Variants in NCOA7 observed in about 807,000 individuals in gnomAD.
NCOA7 encodes the protein nuclear receptor coactivator 7.
NCOA7 carries 45 observed loss-of-function variants against 104.3 expected under a neutral mutation model. The observed-to-expected ratio is 0.43, with a 90% CI of 0.34 to 0.55. NCOA7 has a LOEUF of 0.55. NCOA7 is among the 20% of genes least tolerant of loss of function. NCOA7 has a pLI of 0.02. For missense variants in NCOA7, 1,041 were observed against 1,119.7 expected, an observed-to-expected ratio of 0.93 and a Z score of 1.00; for synonymous variants, 398 against 402.3, an observed-to-expected ratio of 0.99 and a Z score of 0.13.
rs912123412 is a variant in NCOA7 at position 125,931,888 on chromosome 6, T to C, written c.*3117T>C. On this transcript the variant is annotated 3_prime_UTR_variant, in exon 16 of 16. Coordinates refer to ENST00000392477, the MANE Select transcript of NCOA7 (RefSeq NM_181782.5). ...TTCATGAGATCTGTTTTAAAATGTTTGGCAGTTCCACCCTCACCCTCTCTT... is the reference window on the plus strand; with the variant it reads ...TTCATGAGATCTGTTTTAAAATGTTCGGCAGTTCCACCCTCACCCTCTCTT... 6.6e-6 allele frequency: 1 copy of C among 152,296 alleles called. No individual in the cohort carries two copies. Among genetic ancestry groups the C allele is most frequent in the South Asian group, 2.1e-4 (1 of 4,830 alleles). 9.4% of individuals were successfully genotyped at this position (152,296 alleles called of 1,614,324 possible). A position where few individuals can be genotyped will look rare whatever the true frequency, so the allele number is the denominator to read the frequency against.
rs369921365 is a variant in NCOA7, at chr6:125,805,174, C to A, written c.-64-10117C>A. Among the ~76,000 whole-genome samples the A allele has an allele frequency of 6.4e-5, 9 of 140,572 alleles. No homozygotes were observed. In the East Asian group the frequency reaches 1.8e-3, roughly 29 times the overall value. The allele number at this position is 140,572 out of a possible 152,430, so 92.2% of individuals were successfully genotyped here. On this transcript the variant is annotated intron_variant, in intron 1 of 15. Coordinates refer to ENST00000392477, the MANE Select transcript of NCOA7 (RefSeq NM_181782.5). The stretch of plus-strand genomic sequence containing the variant: ...GCAATGGCACGATCTCGGCTCATTG[C>A]AACCTGTGCTTCCCAGGTTCAAGCA...
intron 1 of NCOA7, among the ~76,000 whole-genome samples, chr6:125,805,543 C>T (rs1212632217): frequency 6.6e-6 from 1 of 152,168 alleles, no homozygotes; most frequent in Admixed American, 6.5e-5. Flanking sequence ...GGCTGTAACT[C>T]TTATGGCTAT....
intron 11 of NCOA7, among the ~76,000 whole-genome samples, chr6:125,916,388 G>A (rs553363180): frequency 2.0e-5 from 3 of 152,278 alleles, no homozygotes; most frequent in East Asian, 3.9e-4. Context: ...TAATACACAA[G>A]CTGTAGTTTG....
chr6:125,895,493 T>G (rs949044151), intron 10 of NCOA7, among the ~76,000 whole-genome samples: 2 of 152,220 alleles, frequency 1.3e-5, no homozygotes, highest in Admixed American at 6.5e-5. Flanking sequence ...ATTGGCTTTT[T>G]TCCCACTTAA....
chr6:125,795,355 G>A (rs1022645029), intron 1 of NCOA7, among the ~76,000 whole-genome samples: 1 of 152,132 alleles, frequency 6.6e-6, no homozygotes, highest in Non-Finnish European at 1.5e-5. Context: ...TTTTAGAATA[G>A]GTAGTATCCT....
At chr6:125,917,374 C>T (rs1431740777) in intron 11 of NCOA7, among the ~76,000 whole-genome samples, 1 of 152,148 alleles carries the variant, frequency 6.6e-6, no homozygotes, top group Non-Finnish European at 1.5e-5. Flanking sequence ...GCTGTCTCTT[C>T]TCCAGCCAAT....
At chr6:125,796,350 A>C (rs1200214997) in intron 1 of NCOA7, among the ~76,000 whole-genome samples, 1 of 25,136 alleles carries the variant, frequency 4.0e-5, no homozygotes, top group African/African-American at 2.1e-4. Context: ...ACCCACCTCA[A>C]TATAAATCAG....
chr6:125,906,696 C>G (rs552062990), intron 10 of NCOA7, among the ~76,000 whole-genome samples: 1 of 151,950 alleles, frequency 6.6e-6, no homozygotes, highest in East Asian at 1.9e-4. Flanking sequence ...GGGGTCAGGG[C>G]GGGAGCATAG....
At chr6:125,847,058 A>G (rs576482466) in intron 2 of NCOA7, among the ~76,000 whole-genome samples, 7 of 152,364 alleles carry the variant, frequency 4.6e-5, no homozygotes, top group Non-Finnish European at 8.8e-5. Flanking sequence ...GAGATTTCAA[A>G]GACTACTTAA....
intron 2 of NCOA7, among the ~76,000 whole-genome samples, chr6:125,827,169 C>G (rs1444293736): frequency 1.2e-5 from 1 of 80,730 alleles, no homozygotes; most frequent in African/African-American, 6.0e-5. Flanking sequence ...GCCTGGGCAA[C>G]AAGAGTGAAA....
chr6:125,827,030 T>G (rs1249792938), intron 2 of NCOA7, among the ~76,000 whole-genome samples: 1 of 151,886 alleles, frequency 6.6e-6, no homozygotes, highest in African/African-American at 2.4e-5. Context: ...AAGCCCTGTC[T>G]CTACTAAAAA....
At chr6:125,892,688 T>TAAAC (rs1358026838) in intron 10 of NCOA7, among the ~76,000 whole-genome samples, 2 of 151,992 alleles carry the variant, frequency 1.3e-5, no homozygotes, top group East Asian at 3.9e-4. Flanking sequence ...AACAAACAAA[T>TAAAC]AAACAAACAA....
intron 6 of NCOA7, among the ~76,000 whole-genome samples, chr6:125,881,939 C>T (rs1293033075): frequency 1.3e-5 from 2 of 152,092 alleles, no homozygotes; most frequent in Non-Finnish European, 2.9e-5. Flanking sequence ...CTGCAACCTC[C>T]GCCTCCTAGT....
At chr6:125,804,854 A>T (rs1419146249) in intron 1 of NCOA7, among the ~76,000 whole-genome samples, 1 of 152,106 alleles carries the variant, frequency 6.6e-6, no homozygotes, top group African/African-American at 2.4e-5. Context: ...GTGAGGAAAT[A>T]GATTGGTTTC....
intron 1 of NCOA7, chr6:125,810,010 G>A (rs9491507): frequency 1.1e-4 from 17 of 152,296 alleles, no homozygotes; most frequent in African/African-American, 4.1e-4. Flanking sequence ...GCTGTGGTAC[G>A]GCAGTTATTT....
chr6:125,785,193 C>T (rs1225217900), intron 1 of NCOA7, among the ~76,000 whole-genome samples: 1 of 152,046 alleles, frequency 6.6e-6, no homozygotes, highest in East Asian at 1.9e-4. Flanking sequence ...TAAAAACTAG[C>T]CGGGTGTGGT....
chr6:125,922,274 G>A (rs1293402522), intron 12 of NCOA7, among the ~76,000 whole-genome samples: 1 of 152,202 alleles, frequency 6.6e-6, no homozygotes, highest in Non-Finnish European at 1.5e-5. Flanking sequence ...TCTGTGCAAA[G>A]CTGCAGCTCT....
chr6:125,902,893 G>A (rs1785635544), intron 10 of NCOA7, among the ~76,000 whole-genome samples: 1 of 152,160 alleles, frequency 6.6e-6, no homozygotes, highest in Admixed American at 6.5e-5. Context: ...GATCATAATA[G>A]TGCCTACCTC....
intron 3 of NCOA7, among the ~76,000 whole-genome samples, chr6:125,866,019 T>C (rs1397695691): frequency 7.3e-6 from 1 of 136,870 alleles, no homozygotes; most frequent in Non-Finnish European, 1.5e-5. Context: ...ATATAAGTGC[T>C]ATATTTTCTT....
Sources: allele counts gnomAD v4.1 joint callset (sites outside exome capture counted in the v4.1 genomes callset), GRCh38; gene constraint gnomAD v4.1.1; transcripts MANE v1.5; gene names NCBI Gene and HGNC (gene_info 2026-07-23, HGNC 2026-07-21).